GRIN2B: variants seen among roughly 807,000 people sequenced by gnomAD.
GRIN2B encodes the protein glutamate receptor ionotropic, NMDA 2B.
GRIN2B carries 5 observed loss-of-function variants against 114.5 expected under a neutral mutation model. The ratio of observed to expected loss-of-function variants is 0.04; its 90% CI spans 0.02 to 0.09. The LOEUF is 0.09. GRIN2B is among the 10% of genes least tolerant of loss of function. GRIN2B has a pLI of 1.00. For missense variants in GRIN2B, 1,108 were observed against 1,943.5 expected (o/e 0.57, Z 8.08); for synonymous variants, 787 against 745.1 (o/e 1.06, Z -0.92).
chr12:13,591,725 G>A (rs540380676), intron 10 of GRIN2B, among the ~76,000 whole-genome samples: 1 of 152,286 alleles, frequency 6.6e-6, no homozygotes, highest in South Asian at 2.1e-4. Flanking sequence ...CCATGAATGA[G>A]GGCCATGGTT....
At chr12:13,961,707 A>G (rs1220520650) in intron 2 of GRIN2B, among the ~76,000 whole-genome samples, 1 of 152,220 alleles carries the variant, frequency 6.6e-6, no homozygotes, top group African/African-American at 2.4e-5. Flanking sequence ...AGCTGTGTGC[A>G]TAAAATTAGA....
chr12:13,605,250 T>C (rs1402475377), intron 10 of GRIN2B, among the ~76,000 whole-genome samples: 1 of 152,122 alleles, frequency 6.6e-6, no homozygotes, highest in African/African-American at 2.4e-5. Context: ...ATTTCCCAGA[T>C]GAGCTAGGGA....
chr12:13,717,571 G>A (rs1005517831), intron 4 of GRIN2B, among the ~76,000 whole-genome samples: 1 of 151,848 alleles, frequency 6.6e-6, no homozygotes, highest in East Asian at 1.9e-4. Context: ...AATCTGTACC[G>A]AGTAGGCATT....
At chr12:13,856,331 C>T (rs1342051316) in intron 3 of GRIN2B, among the ~76,000 whole-genome samples, 1 of 152,104 alleles carries the variant, frequency 6.6e-6, no homozygotes, top group East Asian at 1.9e-4. Flanking sequence ...AAAGAGGACG[C>T]TTCATTCTAA....
intron 3 of GRIN2B, among the ~76,000 whole-genome samples, chr12:13,810,139 C>T (rs1167807360): frequency 2.6e-5 from 4 of 152,234 alleles, no homozygotes; most frequent in South Asian, 4.2e-4. Context: ...CCCCACCACC[C>T]CCCTCCCCAC....
At chr12:13,713,117 C>T (rs1401301068) in intron 4 of GRIN2B, among the ~76,000 whole-genome samples, 1 of 151,802 alleles carries the variant, frequency 6.6e-6, no homozygotes, top group Admixed American at 6.6e-5. Context: ...GTGTAATACA[C>T]AATCAACAAG....
At chr12:13,890,646 G>A (rs575630524) in intron 2 of GRIN2B, among the ~76,000 whole-genome samples, 2 of 152,132 alleles carry the variant, frequency 1.3e-5, no homozygotes, top group Non-Finnish European at 2.9e-5. Context: ...GCTTCACGAA[G>A]GCTTGTTGAC....
chr12:13,967,196 G>A (rs1867803865), intron 2 of GRIN2B, among the ~76,000 whole-genome samples: 1 of 152,198 alleles, frequency 6.6e-6, no homozygotes, highest in South Asian at 2.1e-4. Context: ...TCAGAAGAAA[G>A]AGGTCCACAA....
chr12:13,754,683 G>T (rs1468728188), intron 3 of GRIN2B, among the ~76,000 whole-genome samples: 1 of 152,132 alleles, frequency 6.6e-6, no homozygotes, highest in Non-Finnish European at 1.5e-5. Context: ...GTATGTCTAA[G>T]CTGCAAGTTA....
intron 2 of GRIN2B, among the ~76,000 whole-genome samples, chr12:13,892,142 T>C (rs1591606403): frequency 1.3e-5 from 2 of 152,260 alleles, no homozygotes; most frequent in East Asian, 3.9e-4. Context: ...CATGAATAAA[T>C]AACTGTTGAA....
rs201463390 is a variant in GRIN2B at position 13,562,994 on chromosome 12, G to A, written c.4244C>T (p.Ser1415Leu). 4.3e-6 allele frequency: 7 copies of A among 1,613,502 alleles called. No individual in the cohort carries two copies. Among genetic ancestry groups the A allele is most frequent in the South Asian group, 3.3e-5 (3 of 91,072 alleles). The change falls in exon 14 of 14, where the codon TCG becomes TTG. Residue 1415 changes from serine to leucine, a missense_variant. By Grantham distance (145) the Ser-to-Leu change is moderately radical. Coordinates refer to ENST00000609686, the MANE Select transcript of GRIN2B (RefSeq NM_000834.5). ...GGCCCGGAAGTCCGGCCTGGCTTTC[G>A]ACGCCCCCGCCACCGTGGGCTGCCT... ...FFRQPTVAGASKARPDFRALV... is the reference protein window; with the variant it reads ...FFRQPTVAGALKARPDFRALV...
chr12:13,705,206 T>C (rs1950349305), intron 4 of GRIN2B, among the ~76,000 whole-genome samples: 1 of 152,172 alleles, frequency 6.6e-6, no homozygotes, highest in Non-Finnish European at 1.5e-5. Context: ...CCTTAGCTTT[T>C]CCCTATTACC....
chr12:13,547,835 A>G lies in GRIN2B; in HGVS notation c.*14948T>C, dbSNP rs1188183789. 5 of 151,814 alleles carry G rather than the reference A, an allele frequency of 3.3e-5. No homozygotes were observed. Among genetic ancestry groups the G allele is most frequent in the African/African-American group, 1.2e-4 (5 of 41,336 alleles). The allele number at this position is 151,814 out of a possible 1,614,324, so 9.4% of individuals were successfully genotyped here. ...AGGAGACTTCTCTCCACATTGTCGC[A>G]GTGTTGAAACTCTGAGATAAGAATT... On this transcript the variant is annotated 3_prime_UTR_variant, in exon 14 of 14. Coordinates refer to ENST00000609686, the MANE Select transcript of GRIN2B (RefSeq NM_000834.5).
At chr12:13,903,540 A>T (rs1381462173) in intron 2 of GRIN2B, among the ~76,000 whole-genome samples, 1 of 152,110 alleles carries the variant, frequency 6.6e-6, no homozygotes, top group Non-Finnish European at 1.5e-5. Flanking sequence ...CTTTTTACTT[A>T]TAGCTAAATT....
chr12:13,877,168 T>A (rs932256598), intron 2 of GRIN2B, among the ~76,000 whole-genome samples: 2 of 152,148 alleles, frequency 1.3e-5, no homozygotes, highest in East Asian at 3.8e-4. Flanking sequence ...TAGCCCTCTT[T>A]CCCTTGGTCT....
intron 3 of GRIN2B, among the ~76,000 whole-genome samples, chr12:13,791,292 A>T (rs1453775716): frequency 6.6e-6 from 1 of 151,996 alleles, no homozygotes; most frequent in Non-Finnish European, 1.5e-5. Context: ...TCTACTAAAA[A>T]TACAAAAAAA....
intron 5 of GRIN2B, among the ~76,000 whole-genome samples, chr12:13,657,918 T>G (rs774369222): frequency 3.3e-5 from 5 of 152,120 alleles, no homozygotes; most frequent in Non-Finnish European, 5.9e-5. Flanking sequence ...ATAAAACACA[T>G]TTATAGGCTG....
intron 2 of GRIN2B, among the ~76,000 whole-genome samples, chr12:13,866,816 T>C (rs1865836148): frequency 6.6e-6 from 1 of 152,212 alleles, no homozygotes; most frequent in African/African-American, 2.4e-5. Flanking sequence ...GAACAACTGA[T>C]ACATGACTAG....
At chr12:13,864,838 C>A (rs912508721) in intron 3 of GRIN2B, among the ~76,000 whole-genome samples, 2 of 152,142 alleles carry the variant, frequency 1.3e-5, no homozygotes, top group South Asian at 2.1e-4. Flanking sequence ...ACCTGGGGAG[C>A]TTTTAAGACT....
Sources: allele counts gnomAD v4.1 joint callset (sites outside exome capture counted in the v4.1 genomes callset), GRCh38; gene constraint gnomAD v4.1.1; transcripts MANE v1.5; gene names NCBI Gene and HGNC (gene_info 2026-07-23, HGNC 2026-07-21).